OR6C2: variants seen among roughly 807,000 people sequenced by gnomAD.
The protein encoded by OR6C2 is olfactory receptor 6C2.
For synonymous variants in OR6C2, 146 were observed against 134.2 expected, an observed-to-expected ratio of 1.09 and a Z score of -0.61; for missense variants, 435 against 365.8, an observed-to-expected ratio of 1.19 and a Z score of -1.54.
intron 1 of OR6C2, among the ~76,000 whole-genome samples, chr12:55,448,651 A>AAAAAAAAAAAAG (rs1871410725): frequency 2.7e-5 from 4 of 147,258 alleles, no homozygotes; most frequent in Non-Finnish European, 6.0e-5. Context: ...TGCAAAAAAA[A>AAAAAAAAAAAAG]AAAAAAAAGA....
chr12:55,452,472 G>A lies in OR6C2; in HGVS notation c.259G>A (p.Asp87Asn), dbSNP rs763728412. 1 of 1,613,622 alleles carries A rather than the reference G, an allele frequency of 6.2e-7. No homozygotes were observed. The highest frequency in any genetic ancestry group is 8.5e-7 in the Non-Finnish European group (1 of 1,179,650). ...PRFLYNISMG[D>N]NTITYNACAS... The stretch of plus-strand genomic sequence containing the variant: ...ATTCTTGTACAATATATCAATGGGG[G>A]ACAATACCATTACCTACAATGCTTG... Residue 87 changes from aspartate to asparagine, a missense_variant, in exon 2 of 2, where the codon GAC (aspartate) becomes AAC (asparagine). Physicochemically the swap from Asp to Asn is conservative, Grantham distance 23. Transcript: ENST00000641202.
chr12:55,449,535 T>A (rs1223470430), intron 1 of OR6C2, among the ~76,000 whole-genome samples: 1 of 151,874 alleles, frequency 6.6e-6, no homozygotes, highest in Non-Finnish European at 1.5e-5. Context: ...CTTGGGTATA[T>A]CCATGCATAT....
Position 55,453,018 on chromosome 12 carries a change from A to G in OR6C2, c.805A>G (p.Asn269Asp). 1 of 1,613,526 alleles carries G rather than the reference A, an allele frequency of 6.2e-7. No individual in the cohort carries two copies. The highest frequency in any genetic ancestry group is 8.5e-7 in the Non-Finnish European group (1 of 1,179,682). The change falls in exon 2 of 2, where the codon AAT (asparagine) becomes GAT (aspartate). Residue 269 changes from asparagine (N) to aspartate (D), a missense_variant. Physicochemically the swap from Asn to Asp is conservative, Grantham distance 23 (BLOSUM62 1). Coordinates refer to ENST00000641202, the MANE Select transcript of OR6C2 (RefSeq NM_054105.2). ...CTCTGCAAAAGATGAGGTGGCCATA[A>G]ATAAAGGAGTTTCAGTTCTTACTAC... ...KPSAKDEVAI[N>D]KGVSVLTTSV... is the part of the protein sequence containing the mutation.
In OR6C2 at chr12:55,451,468, A is replaced by G. The variant is rs897842037; in HGVS notation, c.-746A>G. The G allele has an allele frequency of 1.3e-5, 2 of 152,104 alleles. No homozygotes were observed. The highest frequency in any genetic ancestry group is 2.9e-5 in the Non-Finnish European group (2 of 67,998). 9.4% of individuals were successfully genotyped at this position (152,104 alleles called of 1,614,324 possible). ...AAAAAGACGCAGCCTAGAAGACTAT[A>G]TTTAGTGGTGTTAAATGTAGATTTG... On this transcript the variant is annotated 5_prime_UTR_variant, in exon 2 of 2. It adds an upstream start codon to the 5' untranslated region. Coordinates refer to ENST00000641202, the MANE Select transcript of OR6C2 (RefSeq NM_054105.2).
intron 1 of OR6C2, among the ~76,000 whole-genome samples, chr12:55,446,576 G>A (rs1388485541): frequency 1.3e-5 from 2 of 152,180 alleles, no homozygotes; most frequent in Non-Finnish European, 2.9e-5. Context: ...AGCAAAGAGA[G>A]AGAAGGATCC....
chr12:55,445,988 C>T (rs1871353725), intron 1 of OR6C2, among the ~76,000 whole-genome samples: 1 of 152,208 alleles, frequency 6.6e-6, no homozygotes, highest in Non-Finnish European at 1.5e-5. Context: ...GAAAACTATA[C>T]TTGTGACAAA....
At chr12:55,448,665 A>AAAAAAAG (rs1340486558) in intron 1 of OR6C2, among the ~76,000 whole-genome samples, 3 of 147,004 alleles carry the variant, frequency 2.0e-5, no homozygotes, top group East Asian at 4.2e-4. Flanking sequence ...AAAAAGAAAG[A>AAAAAAAG]AAAGAAAAGA....
chr12:55,450,562 G>A (rs574672844), intron 1 of OR6C2, among the ~76,000 whole-genome samples: 1 of 152,194 alleles, frequency 6.6e-6, no homozygotes, highest in East Asian at 1.9e-4. Context: ...AGAGCATGTG[G>A]TATGTGAGGT....
chr12:55,452,499 G>T lies in OR6C2; in HGVS notation c.286G>T (p.Ala96Ser). ...CAATACCATTACCTACAATGCTTGT[G>T]CCAGTCAAATATTCTTTGTTATTCT... ...GDNTITYNAC[A>S]SQIFFVILFG... Residue 96 changes from alanine to serine, a missense_variant, in exon 2 of 2, where the codon GCC becomes TCC. Ala to Ser is a moderately conservative substitution (Grantham distance 99, BLOSUM62 1). Transcript: ENST00000641202. 1 of 1,613,876 alleles carries T rather than the reference G, an allele frequency of 6.2e-7. No individual in the cohort carries two copies. The highest frequency in any genetic ancestry group is 2.2e-5 in the East Asian group (1 of 44,876).
intron 1 of OR6C2, among the ~76,000 whole-genome samples, chr12:55,445,705 G>A (rs1188064819): frequency 6.6e-6 from 1 of 152,128 alleles, no homozygotes; most frequent in Non-Finnish European, 1.5e-5. Flanking sequence ...AAGCCAGTTA[G>A]TATTTTAGTC....
rs1871496668 is a variant in OR6C2, at chr12:55,452,438, C to A, written c.225C>A (p.Cys75Ter). 4 of 1,613,056 alleles carry A rather than the reference C, an allele frequency of 2.5e-6. No individual in the cohort carries two copies. The African/African-American group carries it at 5.3e-5, about 22-fold the overall frequency. ...SFLEVSFTTV[C>*]IPRFLYNISM... is the part of the protein sequence containing the mutation. The stretch of plus-strand genomic sequence containing the variant: ...TAGAAGTCTCATTTACTACAGTCTG[C>A]ATTCCCAGATTCTTGTACAATATAT... The change falls in exon 2 of 2, where the codon TGC becomes TGA. Residue 75 changes from cysteine (C) to a stop codon, truncating the protein, a stop_gained. Coordinates refer to ENST00000641202, the MANE Select transcript of OR6C2 (RefSeq NM_054105.2). LOFTEE classifies it low-confidence loss of function (END_TRUNC).
chr12:55,447,323 G>GTT (rs57564362), intron 1 of OR6C2, among the ~76,000 whole-genome samples: 189 of 144,508 alleles, frequency 1.3e-3, no homozygotes, highest in South Asian at 3.0e-3. Flanking sequence ...TAGTTTTTGG[G>GTT]TTTTTTTTTT....
At chr12:55,446,256 TCTC>T (rs1395306220) in intron 1 of OR6C2, among the ~76,000 whole-genome samples, 2 of 152,046 alleles carry the variant, frequency 1.3e-5, no homozygotes, top group Non-Finnish European at 2.9e-5. Flanking sequence ...TTCAAGCAAT[TCTC>T]CTGCCTCAGC....
intron 1 of OR6C2, among the ~76,000 whole-genome samples, chr12:55,444,661 C>A (rs879362300): frequency 6.6e-6 from 1 of 152,036 alleles, no homozygotes; most frequent in Non-Finnish European, 1.5e-5. Flanking sequence ...ACGATCAAGG[C>A]GTAGAAGACT....
Position 55,452,882 on chromosome 12 carries a change from T to G in OR6C2, c.669T>G (p.Ile223Met). The G allele has an allele frequency of 1.2e-6, 2 of 1,613,870 alleles. No homozygotes were observed. The highest frequency in any genetic ancestry group is 8.5e-7 in the Non-Finnish European group (1 of 1,179,816). Residue 223 changes from isoleucine (I) to methionine (M), a missense_variant, in exon 2 of 2, where the codon ATT becomes ATG. Coordinates refer to ENST00000641202, the MANE Select transcript of OR6C2 (RefSeq NM_054105.2). ...ILSYLYIVRTILKFPSVQQRK... is the reference protein window; with the variant it reads ...ILSYLYIVRTMLKFPSVQQRK... ...CCTACTTGTACATAGTCAGAACAAT[T>G]CTGAAGTTCCCTTCTGTTCAGCAAA...
Position 55,452,262 on chromosome 12 carries a change from G to A in OR6C2, c.49G>A (p.Gly17Ser), listed in dbSNP as rs756786518. The change falls in exon 2 of 2, where the codon GGT (glycine) becomes AGT (serine). Residue 17 changes from glycine (G) to serine (S), a missense_variant. Transcript: ENST00000641202. Reference protein sequence around the residue: ...IRTFILLGLTGDPHLQVLLFI... With the variant: ...IRTFILLGLTSDPHLQVLLFI... Reference sequence around the variant, plus strand: ...AACTTTTATCCTGCTGGGACTGACAGGTGACCCACACCTGCAAGTTCTGCT... The same window carrying A: ...AACTTTTATCCTGCTGGGACTGACAAGTGACCCACACCTGCAAGTTCTGCT... 4 of 1,611,070 alleles carry A rather than the reference G, an allele frequency of 2.5e-6. No homozygotes were observed. Among genetic ancestry groups the A allele is most frequent in the Non-Finnish European group, 3.4e-6 (4 of 1,178,572 alleles).
intron 1 of OR6C2, among the ~76,000 whole-genome samples, chr12:55,446,428 C>T (rs1029383518): frequency 6.6e-6 from 1 of 152,128 alleles, no homozygotes; most frequent in Admixed American, 6.5e-5. Context: ...CCGCGCCCGG[C>T]CAGTGGTAAT....
At position 55,447,853 on chromosome 12, in the gene OR6C2, A is replaced by G. The variant is rs112087218; in HGVS notation, c.-887-3474A>G. ...TTTCTATAATTTTGCATATATACCA[A>G]CAGGTGGGATTACTGGATCATATAG... On this transcript the variant is annotated intron_variant, in intron 1 of 1. Transcript: ENST00000641202. Among the ~76,000 whole-genome samples, 531 of 152,218 alleles carry G rather than the reference A, an allele frequency of 3.5e-3. 7 individuals are homozygous for G. The highest frequency in any genetic ancestry group is 0.024 in the Middle Eastern group (7 of 294).
In OR6C2 at chr12:55,452,206, G is replaced by A; in HGVS notation, c.-8G>A. The A allele has an allele frequency of 6.5e-7, 1 of 1,533,134 alleles. No individual in the cohort carries two copies. Among genetic ancestry groups the A allele is most frequent in the Non-Finnish European group, 8.8e-7 (1 of 1,135,224 alleles). 95.0% of individuals were successfully genotyped at this position (1,533,134 alleles called of 1,614,324 possible). A position where few individuals can be genotyped will look rare whatever the true frequency, so the allele number is the denominator to read the frequency against. On this transcript the variant is annotated 5_prime_UTR_variant, in exon 2 of 2. Transcript: ENST00000641202. ...AAAGGAGGATTGGGTAGATATCAAA[G>A]AACAGTGATGAAAAACCACACAGTA...
Sources: allele counts gnomAD v4.1 joint callset (sites outside exome capture counted in the v4.1 genomes callset), GRCh38; gene constraint gnomAD v4.1.1; transcripts MANE v1.5; gene names NCBI Gene and HGNC (gene_info 2026-07-23, HGNC 2026-07-21).